The following ST6GALNAC5 variants were observed in gnomAD, a reference collection of about 807,000 sequenced individuals.
The protein encoded by ST6GALNAC5 is alpha-N-acetylgalactosaminide alpha-2,6-sialyltransferase 5.
A neutral mutation model predicts 33.6 loss-of-function variants in ST6GALNAC5; 27 were observed. The observed-to-expected ratio is 0.80, with a 90% CI of 0.59 to 1.11. The LOEUF (loss-of-function observed/expected upper bound fraction) is 1.11, where lower values mean the gene tolerates loss of function less well. ST6GALNAC5 is among the 50% of genes least tolerant of loss of function. The pLI is 0.00. For missense variants in ST6GALNAC5, 428 were observed against 454.0 expected (o/e 0.94, Z 0.52); for synonymous variants, 194 against 171.2 (o/e 1.13, Z -1.04).
chr1:77,031,964 G>A, intron 2 of ST6GALNAC5, among the ~76,000 whole-genome samples: 1 of 152,164 alleles, frequency 6.6e-6, no homozygotes, highest in Non-Finnish European at 1.5e-5. Context: ...TGGAGTTTAG[G>A]GAAGGATCCT....
intron 2 of ST6GALNAC5, among the ~76,000 whole-genome samples, chr1:76,960,955 C>T (rs1391126606): frequency 2.6e-5 from 4 of 152,228 alleles, no homozygotes; most frequent in Admixed American, 6.5e-5. Context: ...TCCCCCTCAT[C>T]TTACGAAGAT....
intron 2 of ST6GALNAC5, among the ~76,000 whole-genome samples, chr1:76,914,974 T>G (rs1460167795): frequency 6.6e-6 from 1 of 150,400 alleles, no homozygotes; most frequent in East Asian, 2.0e-4. Flanking sequence ...GAATCTACAA[T>G]GAACTCAAAC....
At chr1:76,933,698 C>T (rs1199712929) in intron 2 of ST6GALNAC5, among the ~76,000 whole-genome samples, 8 of 145,478 alleles carry the variant, frequency 5.5e-5, no homozygotes, top group East Asian at 2.1e-4. Flanking sequence ...TCTGTGAACC[C>T]GGGAGAAGAG....
chr1:77,023,335 C>G (rs1004114505), intron 2 of ST6GALNAC5, among the ~76,000 whole-genome samples: 9 of 152,210 alleles, frequency 5.9e-5, no homozygotes, highest in African/African-American at 2.2e-4. Context: ...CTAAAACCCC[C>G]TTGCACATCC....
At chr1:77,012,619 G>A (rs1650675877) in intron 2 of ST6GALNAC5, among the ~76,000 whole-genome samples, 1 of 152,130 alleles carries the variant, frequency 6.6e-6, no homozygotes, top group Non-Finnish European at 1.5e-5. Flanking sequence ...TGGTGGGAGA[G>A]GCCTTGGCCT....
intron 4 of ST6GALNAC5, among the ~76,000 whole-genome samples, chr1:77,055,002 G>C (rs1213619506): frequency 6.6e-6 from 1 of 152,060 alleles, no homozygotes; most frequent in African/African-American, 2.4e-5. Context: ...TGAATGGCAT[G>C]CAGCATCTTT....
intron 2 of ST6GALNAC5, among the ~76,000 whole-genome samples, chr1:76,903,377 A>G (rs1646836310): frequency 6.6e-6 from 1 of 152,184 alleles, no homozygotes; most frequent in Admixed American, 6.5e-5. Context: ...TGAAAAAAAT[A>G]TAACAACAAC....
rs943095016 is a variant in ST6GALNAC5, at chr1:76,867,814, G to T, written c.15+124G>T. ...GCCGCGAGGTCGCCTGTTACAAAGG[G>T]ACAACTTTCTACCCGCTCCGCGTTC... is the stretch of plus-strand genomic sequence containing the variant. On this transcript the variant is annotated intron_variant, in intron 1 of 4. Transcript: ENST00000477717. The T allele has an allele frequency of 5.1e-6, 7 of 1,383,216 alleles. No individual in the cohort carries two copies. In the Admixed American group the frequency reaches 7.4e-5, roughly 15 times the overall value. 85.7% of individuals were successfully genotyped at this position (1,383,216 alleles called of 1,614,324 possible).
At chr1:76,919,548 A>G (rs150183761) in intron 2 of ST6GALNAC5, among the ~76,000 whole-genome samples, 171 of 152,238 alleles carry the variant, frequency 1.1e-3, no homozygotes, top group Non-Finnish European at 2.0e-3. Flanking sequence ...TTTGGAGGAA[A>G]TTTACCAGTG....
chr1:76,972,826 A>T (rs570209749), intron 2 of ST6GALNAC5, among the ~76,000 whole-genome samples: 85 of 152,238 alleles, frequency 5.6e-4, no homozygotes, highest in African/African-American at 1.9e-3. Flanking sequence ...ATCCTCACCC[A>T]CAGTGCCTAA....
chr1:76,935,933 A>G (rs1174003286), intron 2 of ST6GALNAC5, among the ~76,000 whole-genome samples: 3 of 152,022 alleles, frequency 2.0e-5, no homozygotes, highest in African/African-American at 7.2e-5. Context: ...GATTATGGGT[A>G]TAATATAACA....
intron 2 of ST6GALNAC5, among the ~76,000 whole-genome samples, chr1:76,936,132 A>G (rs1444444522): frequency 1.3e-5 from 2 of 152,114 alleles, no homozygotes; most frequent in Non-Finnish European, 2.9e-5. Flanking sequence ...GTTTGCTAAC[A>G]TAACAGGCAA....
intron 2 of ST6GALNAC5, among the ~76,000 whole-genome samples, chr1:77,020,248 G>A (rs1006984393): frequency 5.9e-5 from 9 of 152,184 alleles, no homozygotes; most frequent in Non-Finnish European, 1.3e-4. Context: ...TAAGTGCCGA[G>A]AATGTGGTTC....
intron 2 of ST6GALNAC5, among the ~76,000 whole-genome samples, chr1:76,991,284 G>A (rs957388646): frequency 2.0e-5 from 3 of 152,026 alleles, no homozygotes; most frequent in Non-Finnish European, 2.9e-5. Flanking sequence ...GTTGGCTTGC[G>A]GAAAGCAAAT....
At chr1:76,968,075 A>T (rs145222399) in intron 2 of ST6GALNAC5, among the ~76,000 whole-genome samples, 2,308 of 152,106 alleles carry the variant, frequency 0.015, 57 homozygotes, top group African/African-American at 0.053. Context: ...TGGGGTGGAG[A>T]GTTCTGTAGC....
chr1:77,023,999 C>T (rs1042215803), intron 2 of ST6GALNAC5, among the ~76,000 whole-genome samples: 2 of 152,166 alleles, frequency 1.3e-5, no homozygotes, highest in African/African-American at 4.8e-5. Flanking sequence ...AAAAGGGTCA[C>T]TGTTAAGGAG....
intron 2 of ST6GALNAC5, among the ~76,000 whole-genome samples, chr1:76,958,453 G>A (rs545782137): frequency 9.9e-5 from 15 of 152,232 alleles, no homozygotes; most frequent in Admixed American, 2.0e-4. Flanking sequence ...ACTTTGTGGG[G>A]ATGTCATCAC....
chr1:77,010,742 AAC>A (rs1650605806), intron 2 of ST6GALNAC5, among the ~76,000 whole-genome samples: 1 of 152,152 alleles, frequency 6.6e-6, no homozygotes, highest in African/African-American at 2.4e-5. Flanking sequence ...CTCTGGACTA[AAC>A]ACACTGCACC....
chr1:76,927,514 A>G (rs986449184), intron 2 of ST6GALNAC5, among the ~76,000 whole-genome samples: 1 of 152,110 alleles, frequency 6.6e-6, no homozygotes, highest in Non-Finnish European at 1.5e-5. Flanking sequence ...CCTGATAGTG[A>G]TATCTTGAAA....
Sources: allele counts gnomAD v4.1 joint callset (sites outside exome capture counted in the v4.1 genomes callset), GRCh38; gene constraint gnomAD v4.1.1; transcripts MANE v1.5; gene names NCBI Gene and HGNC (gene_info 2026-07-23, HGNC 2026-07-21).